Variants in ASPG observed in about 807,000 individuals in gnomAD.
The protein encoded by ASPG is asparaginase.
ASPG carries 53 observed loss-of-function variants against 63.2 expected under a neutral mutation model. The observed-to-expected ratio is 0.84, with a 90% CI of 0.67 to 1.05. The LOEUF (loss-of-function observed/expected upper bound fraction) is 1.05, where lower values mean the gene tolerates loss of function less well. Among genes scored for constraint, ASPG ranks in the 50% least tolerant of loss-of-function variants. The probability of loss-of-function intolerance (pLI) is 0.00; values close to 1 mark genes in which losing one functional copy is unlikely to be tolerated. For synonymous variants in ASPG, 370 were observed against 355.0 expected (o/e 1.04, Z -0.48); for missense variants, 741 against 794.4 (o/e 0.93, Z 0.81).
chr14:104,098,765 C>T, intron 5 of ASPG, 88 bp from the exon 6 acceptor site: 1 of 1,562,404 alleles, frequency 6.4e-7, no homozygotes, highest in Non-Finnish European at 8.7e-7. Context: ...GTCTGGGCAC[C>T]TCATTGATGG....
intron 1 of ASPG, among the ~76,000 whole-genome samples, chr14:104,087,049 A>G (rs1435638721): frequency 7.3e-6 from 1 of 137,374 alleles, no homozygotes; most frequent in Non-Finnish European, 1.5e-5. Flanking sequence ...CTCAGAAGCC[A>G]CCAGCACTCT....
At chr14:104,108,107 C>T (rs930223789) in intron 12 of ASPG, among the ~76,000 whole-genome samples, 14 of 152,232 alleles carry the variant, frequency 9.2e-5, no homozygotes, top group South Asian at 6.2e-4. Context: ...TTGTGGGTTC[C>T]CCTCCCCAGC....
At chr14:104,094,244 G>T (rs1446343927) in intron 3 of ASPG, among the ~76,000 whole-genome samples, 1 of 152,008 alleles carries the variant, frequency 6.6e-6, no homozygotes, top group Non-Finnish European at 1.5e-5. Flanking sequence ...TCTGGGGCGC[G>T]GTGTGTGGTG....
rs1256898842 is a variant in ASPG, at chr14:104,115,105, C to G, written c.*2561C>G. ...GGGCTATCTCTGGGGAACATCTCCTCTCCATCACGACTACTGTCTTTTTCA... is the reference window on the plus strand; with the variant it reads ...GGGCTATCTCTGGGGAACATCTCCTGTCCATCACGACTACTGTCTTTTTCA... On this transcript the variant is annotated 3_prime_UTR_variant, in exon 16 of 16. Coordinates refer to ENST00000551177, the MANE Select transcript of ASPG (RefSeq NM_001080464.3). The G allele has an allele frequency of 6.6e-6, 1 of 152,240 alleles. No homozygotes were observed. The highest frequency in any genetic ancestry group is 1.5e-5 in the Non-Finnish European group (1 of 68,042). 9.4% of individuals were successfully genotyped at this position (152,240 alleles called of 1,614,324 possible).
chr14:104,104,437 G>A lies in ASPG; in HGVS notation c.887G>A (p.Cys296Tyr), dbSNP rs2037025165. The A allele has an allele frequency of 1.2e-6, 2 of 1,612,476 alleles. No homozygotes were observed. Among genetic ancestry groups the A allele is most frequent in the Non-Finnish European group, 1.7e-6 (2 of 1,179,806 alleles). Residue 296 changes from cysteine (C) to tyrosine (Y), a missense_variant, in exon 8 of 16, where the codon TGT becomes TAT. By Grantham distance (194) the Cys-to-Tyr change is radical. Transcript: ENST00000551177. ...ATERGLVIVN[C>Y]THCLQGAVTT... ...GAGCGCGGCCTGGTCATCGTCAACT[G>A]TACCCACTGCCTCCAGGGGGCTGTG...
chr14:104,100,403 G>C (rs1390387875), intron 6 of ASPG, among the ~76,000 whole-genome samples: 1 of 152,168 alleles, frequency 6.6e-6, no homozygotes, highest in East Asian at 1.9e-4. Context: ...TGGCTGACTT[G>C]CTTGTTGCCC....
rs900375214 is a variant in ASPG, at chr14:104,108,952, G to A, written c.1434-277G>A. On this transcript the variant is annotated intron_variant, in intron 12 of 15. Transcript: ENST00000551177. ...TAATGCCCTCCCCTGGGTGCTGGGT[G>A]CGGGGCTGCCACAGAGTTGACCCCA... The A allele has an allele frequency of 4.1e-6, 4 of 985,274 alleles. No homozygotes were observed. In the African/African-American group the frequency reaches 7.0e-5, roughly 17 times the overall value. 61.0% of individuals were successfully genotyped at this position (985,274 alleles called of 1,614,324 possible).
In ASPG at chr14:104,100,199, G is replaced by A. The variant is rs1000957302; in HGVS notation, c.640+1220G>A. Among the ~76,000 whole-genome samples the A allele has an allele frequency of 1.3e-4, 20 of 152,330 alleles. No individual in the cohort carries two copies. In the South Asian group the frequency reaches 3.9e-3, roughly 30 times the overall value. ...CCCCAGACACAGGCAAGGACCCTGG[G>A]GAGCTTCAGGGCCTGGCATGAGGGG... On this transcript the variant is annotated intron_variant, in intron 6 of 15. Coordinates refer to ENST00000551177, the MANE Select transcript of ASPG (RefSeq NM_001080464.3).
At chr14:104,093,107 T>C in intron 2 of ASPG, 1 of 474,196 alleles carries the variant, frequency 2.1e-6, no homozygotes, top group Non-Finnish European at 3.9e-6. Flanking sequence ...TGGGCCCAGC[T>C]CCCTGATGTC....
At chr14:104,102,841 G>A (rs557545636) in intron 6 of ASPG, among the ~76,000 whole-genome samples, 15 of 152,298 alleles carry the variant, frequency 9.8e-5, no homozygotes, top group African/African-American at 3.6e-4. Context: ...CGGGTTCAAG[G>A]GGCACTGACC....
At chr14:104,092,834 C>A in intron 2 of ASPG, 93 bp downstream of exon 2, 3 of 1,075,574 alleles carry the variant, frequency 2.8e-6, no homozygotes, top group South Asian at 1.4e-5. Flanking sequence ...CCCACGTGAG[C>A]CATTTGCTCA....
At chr14:104,112,422 G>T in intron 15 of ASPG, 102 bp from the exon 16 acceptor site, 1 of 764,466 alleles carries the variant, frequency 1.3e-6, no homozygotes. Context: ...GTTTGCTCAG[G>T]CTCTTGGGCT....
chr14:104,105,131 G>A, intron 9 of ASPG, 197 bp from the exon 10 acceptor site: 1 of 805,786 alleles, frequency 1.2e-6, no homozygotes, highest in East Asian at 2.7e-5. Flanking sequence ...TGGAGACCCT[G>A]AGCTGGTAGG....
At chr14:104,111,703 C>T in intron 14 of ASPG, 102 bp downstream of exon 14, 1 of 1,014,430 alleles carries the variant, frequency 9.9e-7, no homozygotes, top group East Asian at 2.6e-5. Flanking sequence ...CCCGCTCTGC[C>T]CCTCCCCCAA....
At position 104,085,764 on chromosome 14, in the gene ASPG, G is replaced by A; in HGVS notation, c.-7G>A. Reference sequence around the variant, plus strand: ...CCCCCGTCCACTCCCGTGGTCCCCGGTCCGGCATGGCGCGCGCGGTGGGGC... The same window carrying A: ...CCCCCGTCCACTCCCGTGGTCCCCGATCCGGCATGGCGCGCGCGGTGGGGC... On this transcript the variant is annotated 5_prime_UTR_variant, in exon 1 of 16. Coordinates refer to ENST00000551177, the MANE Select transcript of ASPG (RefSeq NM_001080464.3). The A allele has an allele frequency of 6.3e-7, 1 of 1,574,850 alleles. No homozygotes were observed. Among genetic ancestry groups the A allele is most frequent in the East Asian group, 2.4e-5 (1 of 41,742 alleles).
rs926220507 is a variant in ASPG at position 104,091,493 on chromosome 14, C to T, written c.83-1140C>T. On this transcript the variant is annotated intron_variant, in intron 1 of 15. Transcript: ENST00000551177. This position sits in a 1 kb window ranked among gnomAD's most constrained non-coding sequence, Gnocchi z 6.4. ...CTTCCAGTCCTCTGGCAAACGTCCC[C>T]GGGGCTCCACAGGCCTTTGTGTAAG... Among the ~76,000 whole-genome samples the T allele has an allele frequency of 2.0e-5, 3 of 152,120 alleles. No individual in the cohort carries two copies. The highest frequency in any genetic ancestry group is 4.4e-5 in the Non-Finnish European group (3 of 68,028).
At chr14:104,101,530 C>T (rs2036875942) in intron 6 of ASPG, among the ~76,000 whole-genome samples, 1 of 152,124 alleles carries the variant, frequency 6.6e-6, no homozygotes, top group Non-Finnish European at 1.5e-5. Context: ...TTCCATGTGT[C>T]TCAGGAGACC....
At chr14:104,102,427 G>T (rs943789727) in intron 6 of ASPG, among the ~76,000 whole-genome samples, 1 of 152,134 alleles carries the variant, frequency 6.6e-6, no homozygotes, top group East Asian at 1.9e-4. Flanking sequence ...AGCCCTGTGC[G>T]GGGGTCCTCC....
At chr14:104,108,735 A>G (rs1210300450) in intron 12 of ASPG, 13 of 985,236 alleles carry the variant, frequency 1.3e-5, no homozygotes, top group Admixed American at 6.1e-5. Flanking sequence ...CCCCACTCCT[A>G]CCCAAGGGCA....
Sources: allele counts gnomAD v4.1 joint callset (sites outside exome capture counted in the v4.1 genomes callset), GRCh38; gene constraint gnomAD v4.1.1; non-coding constraint Gnocchi (gnomAD v3.1); transcripts MANE v1.5; gene names NCBI Gene and HGNC (gene_info 2026-07-23, HGNC 2026-07-21).